The following CEP112 variants were observed in gnomAD, a reference collection of about 807,000 sequenced individuals.
The protein encoded by CEP112 is centrosomal protein 112.
CEP112 carries 127 observed loss-of-function variants against 153.0 expected under a neutral mutation model. That is an observed-to-expected ratio of 0.83 (90% confidence interval 0.72 to 0.96). The LOEUF (loss-of-function observed/expected upper bound fraction) is 0.96, where lower values mean the gene tolerates loss of function less well. Among genes scored for constraint, CEP112 ranks in the 40% least tolerant of loss-of-function variants. The pLI, the probability that CEP112 is intolerant of heterozygous loss-of-function variation, is 0.00. For synonymous variants in CEP112, 358 were observed against 374.4 expected (o/e 0.96, Z 0.51); for missense variants, 1,089 against 1,101.2 (o/e 0.99, Z 0.16).
chr17:65,882,653 T>C (rs75725604), intron 20 of CEP112, among the ~76,000 whole-genome samples: 288 of 152,338 alleles, frequency 1.9e-3, no homozygotes, highest in Middle Eastern at 3.4e-3. Flanking sequence ...AGACAACATA[T>C]AGTCCCTCCT....
chr17:65,735,531 T>C (rs1014669972), intron 23 of CEP112, among the ~76,000 whole-genome samples: 1 of 147,040 alleles, frequency 6.8e-6, no homozygotes, highest in Non-Finnish European at 1.5e-5. Flanking sequence ...GTAGAAAATA[T>C]CGTTAAGGTG....
In CEP112 at chr17:66,028,313, C is replaced by T. The variant is rs768573557; in HGVS notation, c.1596G>A (p.Arg532=). Residue 532 remains arginine, a splice_region_variant and synonymous_variant, in exon 15 of 27, where the codon AGG becomes AGA. Coordinates refer to ENST00000535342, the MANE Select transcript of CEP112 (RefSeq NM_001199165.4). The part of the protein sequence containing the change: ...ESELQRKQQL[R]DQENKFQMEK... ...TTCTGTGTAGAAATACAAGACTCAC[C>T]CTTAGTTGTTGCTTTCTTTGAAGTT... The T allele has an allele frequency of 1.9e-6, 3 of 1,561,910 alleles. No homozygotes were observed. The highest frequency in any genetic ancestry group is 1.4e-5 in the African/African-American group (1 of 72,546).
chr17:66,037,265 A>T (rs2065776513), intron 12 of CEP112, among the ~76,000 whole-genome samples: 1 of 152,172 alleles, frequency 6.6e-6, no homozygotes, highest in South Asian at 2.1e-4. Context: ...AAATATAATA[A>T]TTTTTAAGAA....
At chr17:65,975,860 T>A (rs968287885) in intron 17 of CEP112, among the ~76,000 whole-genome samples, 1 of 152,186 alleles carries the variant, frequency 6.6e-6, no homozygotes, top group Non-Finnish European at 1.5e-5. Context: ...AAGGTGATTA[T>A]CTCCAGGGAA....
chr17:65,948,804 T>C (rs1028503199), intron 18 of CEP112, among the ~76,000 whole-genome samples: 2 of 151,688 alleles, frequency 1.3e-5, no homozygotes, highest in Non-Finnish European at 2.9e-5. Flanking sequence ...TGTTACATTT[T>C]GTCTCATGGG....
At chr17:66,083,978 G>A (rs999614774) in intron 8 of CEP112, among the ~76,000 whole-genome samples, 8 of 152,084 alleles carry the variant, frequency 5.3e-5, no homozygotes, top group Non-Finnish European at 7.4e-5. Context: ...CAAAAAAGAG[G>A]TAATTTTTTG....
At chr17:66,179,954 T>A (rs1236307186) in intron 2 of CEP112, among the ~76,000 whole-genome samples, 1 of 152,174 alleles carries the variant, frequency 6.6e-6, no homozygotes, top group African/African-American at 2.4e-5. Flanking sequence ...GATCATACAG[T>A]TTTTGTCCAC....
chr17:65,863,537 G>A (rs1181200723), intron 20 of CEP112, among the ~76,000 whole-genome samples: 1 of 151,558 alleles, frequency 6.6e-6, no homozygotes, highest in Non-Finnish European at 1.5e-5. Flanking sequence ...GGAGGCCAAG[G>A]TGGGAGGATC....
chr17:66,129,093 A>G (rs747770477), intron 6 of CEP112, among the ~76,000 whole-genome samples: 38 of 150,500 alleles, frequency 2.5e-4, no homozygotes, highest in Non-Finnish European at 4.1e-4. Flanking sequence ...GTGAAATGAG[A>G]AAAAAAAAAT....
At chr17:66,127,276 G>A (rs1441033190) in intron 6 of CEP112, among the ~76,000 whole-genome samples, 1 of 152,184 alleles carries the variant, frequency 6.6e-6, no homozygotes, top group Non-Finnish European at 1.5e-5. Flanking sequence ...CATGTTTCAA[G>A]TGGCTAAGGG....
intron 23 of CEP112, among the ~76,000 whole-genome samples, chr17:65,703,696 A>T (rs539099179): frequency 6.8e-6 from 1 of 146,056 alleles, no homozygotes; most frequent in Non-Finnish European, 1.5e-5. Flanking sequence ...TATCTTCATC[A>T]TATCTAGAAT....
At chr17:66,121,819 C>T (rs2069609017) in intron 6 of CEP112, among the ~76,000 whole-genome samples, 1 of 151,824 alleles carries the variant, frequency 6.6e-6, no homozygotes, top group South Asian at 2.1e-4. Context: ...AGCTCTGGTT[C>T]TTTTTCATAA....
At chr17:65,702,529 A>G (rs1036508145) in intron 23 of CEP112, among the ~76,000 whole-genome samples, 2 of 152,198 alleles carry the variant, frequency 1.3e-5, no homozygotes, top group African/African-American at 4.8e-5. Flanking sequence ...GAGAGGAAAG[A>G]AAGAGAGAGA....
chr17:66,144,729 T>C (rs2070850241), intron 4 of CEP112, among the ~76,000 whole-genome samples: 1 of 152,208 alleles, frequency 6.6e-6, no homozygotes, highest in Non-Finnish European at 1.5e-5. Context: ...TATTGCTTTG[T>C]AGTATTCCAT....
intron 16 of CEP112, among the ~76,000 whole-genome samples, chr17:66,026,398 T>C (rs2065213436): frequency 6.6e-6 from 1 of 152,162 alleles, no homozygotes; most frequent in Non-Finnish European, 1.5e-5. Context: ...AATAGTACTA[T>C]AAACAACAAG....
intron 23 of CEP112, among the ~76,000 whole-genome samples, chr17:65,720,578 C>T (rs1369013772): frequency 6.6e-6 from 1 of 152,112 alleles, no homozygotes; most frequent in Admixed American, 6.5e-5. Context: ...AGAGCAGTTT[C>T]TGTGGATTGA....
intron 24 of CEP112, among the ~76,000 whole-genome samples, chr17:65,679,204 G>A (rs111995531): frequency 1.5e-4 from 17 of 116,836 alleles, no homozygotes; most frequent in African/African-American, 4.0e-4. Flanking sequence ...AAACTGTCAC[G>A]GAGAATAACA....
chr17:65,764,079 G>T (rs1397001433), intron 21 of CEP112, among the ~76,000 whole-genome samples: 1 of 152,010 alleles, frequency 6.6e-6, no homozygotes, highest in Non-Finnish European at 1.5e-5. Flanking sequence ...AACCAGGATG[G>T]TTCAAGAATG....
chr17:65,817,571 C>T (rs2145967657), intron 21 of CEP112, among the ~76,000 whole-genome samples: 1 of 151,982 alleles, frequency 6.6e-6, no homozygotes, highest in South Asian at 2.1e-4. Context: ...TTATTTCTAG[C>T]TTCTTGAACA....
Sources: allele counts gnomAD v4.1 joint callset (sites outside exome capture counted in the v4.1 genomes callset), GRCh38; gene constraint gnomAD v4.1.1; transcripts MANE v1.5; gene names NCBI Gene and HGNC (gene_info 2026-07-23, HGNC 2026-07-21).